The following RXRA variants were observed in gnomAD, a reference collection of about 807,000 sequenced individuals.
The protein encoded by RXRA is retinoid X receptor alpha.
In RXRA, 5 loss-of-function variants were observed where a neutral mutation model predicts 44.5. The observed-to-expected ratio is 0.11, with a 90% CI of 0.06 to 0.24. The LOEUF (loss-of-function observed/expected upper bound fraction) is 0.24. Ranked by LOEUF, RXRA falls within the 10% of genes least tolerant of loss-of-function variation. RXRA has a pLI of 1.00. For missense variants in RXRA, 412 were observed against 646.5 expected (o/e 0.64, Z 3.93); for synonymous variants, 291 against 271.4 (o/e 1.07, Z -0.71).
At chr9:134,396,547 A>G (rs1272889706) in intron 1 of RXRA, among the ~76,000 whole-genome samples, 1 of 152,070 alleles carries the variant, frequency 6.6e-6, no homozygotes, top group Non-Finnish European at 1.5e-5. Context: ...ATAGGGTTGC[A>G]GGGACGTTGC....
chr9:134,382,059 G>A (rs1489957566), intron 1 of RXRA, among the ~76,000 whole-genome samples: 2 of 152,142 alleles, frequency 1.3e-5, no homozygotes, highest in Non-Finnish European at 2.9e-5. Context: ...GGCCAGCTGG[G>A]CACTTTGGTC....
At chr9:134,385,003 C>T (rs536202672) in intron 1 of RXRA, among the ~76,000 whole-genome samples, 62 of 152,338 alleles carry the variant, frequency 4.1e-4, no homozygotes, top group African/African-American at 1.4e-3. Flanking sequence ...AGGCAGGAAG[C>T]TCCTGGCCTG....
rs150573198 is a variant in RXRA at position 134,354,778 on chromosome 9, G to A, written c.28+28119G>A. Among the ~76,000 whole-genome samples, 278 of 152,354 alleles carry A rather than the reference G, an allele frequency of 1.8e-3. 1 individual carries two copies. Among genetic ancestry groups the A allele is most frequent in the African/African-American group, 6.2e-3 (259 of 41,588 alleles). ...TCAGATCTGGGCCAAACCTGCCTCC[G>A]CTGTCTTTGGCCCTCCAGGCTCCCC... On this transcript the variant is annotated intron_variant, in intron 1 of 9. Coordinates refer to ENST00000481739, the MANE Select transcript of RXRA (RefSeq NM_002957.6).
At chr9:134,338,484 CAG>C (rs1554747635) in intron 1 of RXRA, among the ~76,000 whole-genome samples, 1 of 152,234 alleles carries the variant, frequency 6.6e-6, no homozygotes. Context: ...CATGGGGTCA[CAG>C]GGGAGGTCAC....
At position 134,437,829 on chromosome 9, in the gene RXRA, T is replaced by C. The variant is rs1831651104; in HGVS notation, c.*1215T>C. On this transcript the variant is annotated 3_prime_UTR_variant, in exon 10 of 10. Coordinates refer to ENST00000481739, the MANE Select transcript of RXRA (RefSeq NM_002957.6). ...TCGGGCCTGGGCCACACGCAGGCCC[T>C]GGTGGGACCACCCAGCCTGGTATTG... 2 of 151,394 alleles carry C rather than the reference T, an allele frequency of 1.3e-5. No homozygotes were observed. Among genetic ancestry groups the C allele is most frequent in the African/African-American group, 4.9e-5 (2 of 41,158 alleles). 9.4% of individuals were successfully genotyped at this position (151,394 alleles called of 1,614,324 possible).
chr9:134,401,396 G>A (rs536037219), intron 1 of RXRA: 343 of 618,606 alleles, frequency 5.5e-4, no homozygotes, highest in Middle Eastern at 4.0e-3. Flanking sequence ...TCTGCCGCAG[G>A]CCCAGCCTAA....
At chr9:134,422,481 G>T in intron 6 of RXRA, 1 of 1,146,370 alleles carries the variant, frequency 8.7e-7, no homozygotes, top group Non-Finnish European at 1.1e-6. Context: ...CTGCTACCGG[G>T]ACACTCCCCC....
intron 1 of RXRA, among the ~76,000 whole-genome samples, chr9:134,330,465 A>G (rs7859303): frequency 0.067 from 10,158 of 152,214 alleles, 1,116 homozygotes; most frequent in African/African-American, 0.23. Context: ...GTCACCTTCC[A>G]GACCTTTGTC....
At chr9:134,338,580 G>A (rs1830042111) in intron 1 of RXRA, among the ~76,000 whole-genome samples, 2 of 152,256 alleles carry the variant, frequency 1.3e-5, no homozygotes, top group Admixed American at 6.5e-5. Context: ...CGTGTGGACA[G>A]TTAGGCCTCC....
chr9:134,414,373 C>T (rs535101260), intron 4 of RXRA, among the ~76,000 whole-genome samples: 2 of 152,228 alleles, frequency 1.3e-5, no homozygotes, highest in Non-Finnish European at 2.9e-5. Context: ...GCCGGGCTGG[C>T]GCGTGGGGTG....
chr9:134,368,727 T>G (rs914958415), intron 1 of RXRA, among the ~76,000 whole-genome samples: 3 of 149,412 alleles, frequency 2.0e-5, no homozygotes, highest in Admixed American at 6.7e-5. Flanking sequence ...CTTCATGCCA[T>G]GTGTGGATGT....
chr9:134,332,903 G>T (rs1835027640), intron 1 of RXRA, among the ~76,000 whole-genome samples: 1 of 152,132 alleles, frequency 6.6e-6, no homozygotes, highest in Non-Finnish European at 1.5e-5. Flanking sequence ...CCTGGGAAGG[G>T]GGGAGGATTC....
intron 6 of RXRA, chr9:134,425,485 T>C (rs1333930915): frequency 5.1e-6 from 5 of 980,818 alleles, no homozygotes; most frequent in Non-Finnish European, 4.8e-6. Context: ...CCGTGTTAGC[T>C]GCTCCAGCGG....
chr9:134,413,690 T>TCG (rs1831188649), intron 4 of RXRA, among the ~76,000 whole-genome samples: 1 of 152,216 alleles, frequency 6.6e-6, no homozygotes, highest in Non-Finnish European at 1.5e-5. Context: ...CATGCCTGCC[T>TCG]CGGAGCTGTC....
intron 2 of RXRA, 159 bp downstream of exon 2, chr9:134,402,041 G>C: frequency 1.5e-6 from 1 of 662,394 alleles, no homozygotes; most frequent in South Asian, 2.1e-5. Context: ...GCAGAGTGCC[G>C]TGGGGGTTTG....
intron 1 of RXRA, among the ~76,000 whole-genome samples, chr9:134,394,905 G>GC (rs137893445): frequency 0.022 from 3,352 of 152,316 alleles, 65 homozygotes; most frequent in Admixed American, 0.045. Flanking sequence ...TCCTGGGTGA[G>GC]CGGATAGGGA....
intron 6 of RXRA, chr9:134,422,687 C>G (rs534053203): frequency 2.0e-6 from 2 of 985,262 alleles, no homozygotes; most frequent in Non-Finnish European, 1.2e-6. Flanking sequence ...GGGACACTCC[C>G]CCGTCCTGGG....
chr9:134,344,831 C>T (rs549782395), intron 1 of RXRA, among the ~76,000 whole-genome samples: 54 of 152,374 alleles, frequency 3.5e-4, no homozygotes, highest in Non-Finnish European at 4.9e-4. Flanking sequence ...GTTCCCTCGA[C>T]GCTCTATGGG....
chr9:134,357,263 A>G (rs1830294476), intron 1 of RXRA, among the ~76,000 whole-genome samples: 1 of 152,066 alleles, frequency 6.6e-6, no homozygotes, highest in South Asian at 2.1e-4. Flanking sequence ...CAGAGCCCGG[A>G]GCAGAAACCT....
Sources: gnomAD v4.1 joint callset for allele counts (sites outside exome capture counted in the v4.1 genomes callset) on GRCh38, gnomAD v4.1.1 for gene constraint, MANE v1.5 for transcripts, NCBI Gene and HGNC (gene_info 2026-07-23, HGNC 2026-07-21) for gene names.